The following A2M variants were observed in gnomAD, a reference collection of about 807,000 sequenced individuals.
The protein encoded by A2M is alpha-2-macroglobulin, also known as C3 and PZP-like alpha-2-macroglobulin domain-containing protein 5.
In A2M, 128 loss-of-function variants were observed where a neutral mutation model predicts 183.9. The observed-to-expected ratio is 0.70, with a 90% CI of 0.60 to 0.81. The LOEUF is 0.81. Ranked by LOEUF, A2M falls within the 30% of genes least tolerant of loss-of-function variation. The pLI is 0.00. For synonymous variants in A2M, 592 were observed against 670.8 expected (o/e 0.88, Z 1.81); for missense variants, 1,495 against 1,787.6 (o/e 0.84, Z 2.95).
chr12:9,107,533 G>A lies in A2M; in HGVS notation c.870C>T (p.Phe290=), dbSNP rs1592388633. Residue 290 remains phenylalanine, a synonymous_variant, in exon 8 of 36, where the codon TTC becomes TTT. Coordinates refer to ENST00000318602, the MANE Select transcript of A2M (RefSeq NM_000014.6). Reference sequence around the variant, plus strand: ...ATAGTGTTCAACCTACCTGTCCACTGAATTTCTCACAGAAAGCCTGTGAAT... The same window carrying A: ...ATAGTGTTCAACCTACCTGTCCACTAAATTTCTCACAGAAAGCCTGTGAAT... ...GEDSQAFCEK[F]SGQLNSHGCF... is the part of the protein sequence containing the mutation. 4 of 1,613,874 alleles carry A rather than the reference G, an allele frequency of 2.5e-6. No homozygotes were observed. Among genetic ancestry groups the A allele is most frequent in the Non-Finnish European group, 1.7e-6 (2 of 1,179,816 alleles).
In A2M at chr12:9,072,828, G is replaced by T. The variant is rs1948620309; in HGVS notation, c.3800C>A (p.Ala1267Asp). Residue 1267 changes from alanine (A) to aspartate (D), a missense_variant, in exon 30 of 36, where the codon GCC becomes GAC. Ala to Asp is a moderately radical substitution (Grantham distance 126). Transcript: ENST00000318602. ...ALHALSKYGA[A>D]TFTRTGKAAQ... The stretch of plus-strand genomic sequence containing the variant: ...AGCCTTCCCAGTCCTGGTAAATGTG[G>T]CTGCTCCATATTTGGACAGAGCATG... 6.2e-7 allele frequency: 1 copy of T among 1,613,990 alleles called. No homozygotes were observed. The highest frequency in any genetic ancestry group is 1.3e-5 in the African/African-American group (1 of 74,908).
intron 17 of A2M, among the ~76,000 whole-genome samples, chr12:9,094,340 C>CATATATATATAT (rs59647548): frequency 1.4e-4 from 14 of 97,016 alleles, no homozygotes; most frequent in Non-Finnish European, 2.2e-4. Flanking sequence ...AAAAATTGTG[C>CATATATATATAT]ATATATATAT....
At chr12:9,076,534 C>T (rs977709237) in intron 28 of A2M, among the ~76,000 whole-genome samples, 6 of 152,130 alleles carry the variant, frequency 3.9e-5, no homozygotes, top group Admixed American at 6.5e-5. Context: ...AGGATATAAC[C>T]CCATCGTAAT....
chr12:9,083,925 CAGA>C (rs1250153114), intron 22 of A2M, among the ~76,000 whole-genome samples: 2 of 151,978 alleles, frequency 1.3e-5, no homozygotes, highest in Non-Finnish European at 2.9e-5. Context: ...TTCTGAAAAG[CAGA>C]AGGTGATAAA....
chr12:9,105,500 A>G (rs771768497), intron 10 of A2M, among the ~76,000 whole-genome samples: 1 of 152,170 alleles, frequency 6.6e-6, no homozygotes, highest in African/African-American at 2.4e-5. Context: ...CATAGCTGAA[A>G]TCCTGTAACA....
At position 9,072,664 on chromosome 12, in the gene A2M, C is replaced by T. The variant is rs1948612630; in HGVS notation, c.3964G>A (p.Val1322Ile). The T allele has an allele frequency of 1.2e-6, 2 of 1,614,116 alleles. No homozygotes were observed. Among genetic ancestry groups the T allele is most frequent in the Admixed American group, 1.7e-5 (1 of 60,022 alleles). ...YSMKVTGEGC[V>I]YLQTSLKYNI... ...CCCAAGAGTCTCACCTGGAGGTAGA[C>T]ACATCCTTCTCCTGTCACTTTCATG... Residue 1322 changes from valine (V) to isoleucine (I), a missense_variant, in exon 30 of 36, where the codon GTC (valine) becomes ATC (isoleucine). By Grantham distance (29) the Val-to-Ile change is conservative. Coordinates refer to ENST00000318602, the MANE Select transcript of A2M (RefSeq NM_000014.6).
intron 28 of A2M, among the ~76,000 whole-genome samples, chr12:9,075,869 G>C (rs1355553694): frequency 1.3e-5 from 2 of 152,168 alleles, no homozygotes; most frequent in Non-Finnish European, 2.9e-5. Flanking sequence ...TAATCTATGA[G>C]AGAGTTGTAC....
intron 11 of A2M, among the ~76,000 whole-genome samples, chr12:9,102,342 G>T (rs1156472992): frequency 1.3e-5 from 2 of 152,126 alleles, no homozygotes; most frequent in Admixed American, 6.5e-5. Flanking sequence ...AGCCTCCTGA[G>T]TTGCTAGGAC....
In A2M at chr12:9,095,601, T is replaced by C. The variant is rs758619055; in HGVS notation, c.1951A>G (p.Asn651Asp). 1.2e-6 allele frequency: 2 copies of C among 1,612,156 alleles called. No individual in the cohort carries two copies. Among genetic ancestry groups the C allele is most frequent in the East Asian group, 4.5e-5 (2 of 44,870 alleles). The change falls in exon 16 of 36, where the codon AAT (asparagine) becomes GAT (aspartate). Residue 651 changes from asparagine (N) to aspartate (D), a missense_variant. Physicochemically the swap from Asn to Asp is conservative, Grantham distance 23. Transcript: ENST00000318602. ...DCINRHNVYI[N>D]GITYTPVSST... ...GATACTGGAGTATATGTGATTCCATTAATATAGACATTATGACGATTGATG... is the reference window on the plus strand; with the variant it reads ...GATACTGGAGTATATGTGATTCCATCAATATAGACATTATGACGATTGATG...
In A2M at chr12:9,107,568, G is replaced by A. The variant is rs760030124; in HGVS notation, c.835C>T (p.His279Tyr). 6.2e-6 allele frequency: 10 copies of A among 1,613,956 alleles called. No homozygotes were observed. The highest frequency in any genetic ancestry group is 8.5e-6 in the Non-Finnish European group (10 of 1,179,866). The change falls in exon 8 of 36, where the codon CAC becomes TAC. Residue 279 changes from histidine to tyrosine, a missense_variant. By Grantham distance (83) the His-to-Tyr change is moderately conservative (BLOSUM62 2). Transcript: ENST00000318602. The part of the protein sequence containing the change: ...CRKYSDASDC[H>Y]GEDSQAFCEK... ...CAGAAAGCCTGTGAATCTTCACCGT[G>A]GCAGTCGGAAGCGTCACTATACTTT...
Position 9,074,725 on chromosome 12 carries a change from G to A in A2M, c.3591C>T (p.Tyr1197=), listed in dbSNP as rs780947892. 75 of 1,613,760 alleles carry A rather than the reference G, an allele frequency of 4.6e-5. 1 individual carries two copies. The highest frequency in any genetic ancestry group is 2.3e-4 in the South Asian group (21 of 90,974). The change falls in exon 29 of 36, where the codon TAC becomes TAT. Residue 1197 remains tyrosine, a synonymous_variant. Transcript: ENST00000318602. ...QKPKAPVGHF[Y]EPQAPSAEVE... The stretch of plus-strand genomic sequence containing the variant: ...CCTCAGCAGAGGGAGCCTGGGGTTC[G>A]TAAAAATGCCCCACTGGTGCCTTGG...
chr12:9,082,066 A>G (rs1948923356), intron 22 of A2M, among the ~76,000 whole-genome samples: 1 of 152,078 alleles, frequency 6.6e-6, no homozygotes, highest in Non-Finnish European at 1.5e-5. Context: ...AGCAGACACC[A>G]CCTCTGTGTA....
At chr12:9,109,287 TCC>T in intron 7 of A2M, 32 bp downstream of exon 7, 1 of 1,521,080 alleles carries the variant, frequency 6.6e-7, no homozygotes, top group Non-Finnish European at 9.1e-7. Flanking sequence ...TTTTAAATAA[TCC>T]CCCACAAAAG....
Position 9,101,130 on chromosome 12 carries a change from A to T in A2M, c.1558+14T>A, listed in dbSNP as rs1937805202. 6.4e-7 allele frequency: 1 copy of T among 1,555,970 alleles called. No homozygotes were observed. Among genetic ancestry groups the T allele is most frequent in the Admixed American group, 1.9e-5 (1 of 51,620 alleles). On this transcript the variant is annotated intron_variant, in intron 13 of 35. Coordinates refer to ENST00000318602, the MANE Select transcript of A2M (RefSeq NM_000014.6). Reference sequence around the variant, plus strand: ...AGAATGGGGCAGCAATGCAGAGATGATGGAAATACTCACTGTCTTCCTGCT... The same window carrying T: ...AGAATGGGGCAGCAATGCAGAGATGTTGGAAATACTCACTGTCTTCCTGCT...
In A2M at chr12:9,069,765, C is replaced by G. The variant is rs1948508615; in HGVS notation, c.4243G>C (p.Val1415Leu). Residue 1415 changes from valine (V) to leucine (L), a missense_variant, in exon 33 of 36, where the codon GTC becomes CTC. By Grantham distance (32) the Val-to-Leu change is conservative (BLOSUM62 1). Transcript: ENST00000318602. The part of the protein sequence containing the change: ...VSRTEVSSNH[V>L]LIYLDKVSNQ... ...CTTACCTTATCAAGGTAAATCAAGA[C>G]ATGGTTGCTGCTGACTTCTGTCCGG... is the stretch of plus-strand genomic sequence containing the variant. 2 of 1,612,594 alleles carry G rather than the reference C, an allele frequency of 1.2e-6. No homozygotes were observed. Among genetic ancestry groups the G allele is most frequent in the South Asian group, 1.1e-5 (1 of 90,800 alleles).
chr12:9,080,068 G>A lies in A2M; in HGVS notation c.2854+26C>T, dbSNP rs369990475. 5.8e-5 allele frequency: 85 copies of A among 1,472,548 alleles called. No homozygotes were observed. In the African/African-American group the frequency reaches 7.6e-4, roughly 13 times the overall value. 91.2% of individuals were successfully genotyped at this position (1,472,548 alleles called of 1,614,324 possible). A position where few individuals can be genotyped will look rare whatever the true frequency, so the allele number is the denominator to read the frequency against. ...AGTATAATAGAAGCTGTTAATGCCC[G>A]GATCCACTAGGGGCTGGAGACTCAC... On this transcript the variant is annotated intron_variant, in intron 23 of 35. Transcript: ENST00000318602.
At position 9,099,495 on chromosome 12, in the gene A2M, A is replaced by G. The variant is rs748085582; in HGVS notation, c.1587T>C (p.Pro529=). The part of the protein sequence containing the change: ...DMKGHFSISI[P]VKSDIAPVAR... ...CGACAGGAGCAATGTCTGACTTCAC[A>G]GGGATTGAGATGGAAAAATGGCCCT... Residue 529 remains proline, a synonymous_variant, in exon 14 of 36, where the codon CCT becomes CCC. Coordinates refer to ENST00000318602, the MANE Select transcript of A2M (RefSeq NM_000014.6). 2 of 1,610,326 alleles carry G rather than the reference A, an allele frequency of 1.2e-6. No homozygotes were observed. Among genetic ancestry groups the G allele is most frequent in the East Asian group, 2.2e-5 (1 of 44,834 alleles).
chr12:9,099,568 C>T (rs1937666070), intron 13 of A2M, 45 bp from the exon 14 acceptor site: 13 of 1,566,648 alleles, frequency 8.3e-6, no homozygotes, highest in Non-Finnish European at 1.1e-5. Flanking sequence ...AGGTTAATGA[C>T]TATTTCCATT....
Position 9,076,835 on chromosome 12 carries a change from G to A in A2M, c.3453C>T (p.Ala1151=). The change falls in exon 28 of 36, where the codon GCC becomes GCT. Residue 1151 remains alanine (A), a synonymous_variant. Coordinates refer to ENST00000318602, the MANE Select transcript of A2M (RefSeq NM_000014.6). The part of the protein sequence containing the change: ...GSHVYTKALL[A]YAFALAGNQD... ...GGTTACCTGCCAGGGCAAAAGCATA[G>A]GCCAGCAGTGCTTTGGTATATACAT... The A allele has an allele frequency of 6.2e-7, 1 of 1,614,010 alleles. No homozygotes were observed. Among genetic ancestry groups the A allele is most frequent in the Non-Finnish European group, 8.5e-7 (1 of 1,179,976 alleles).
Sources: allele counts gnomAD v4.1 joint callset (sites outside exome capture counted in the v4.1 genomes callset), GRCh38; gene constraint gnomAD v4.1.1; transcripts MANE v1.5; gene names NCBI Gene and HGNC (gene_info 2026-07-23, HGNC 2026-07-21).